RBFOX1: variants seen among roughly 807,000 people sequenced by gnomAD.
RBFOX1 encodes the protein RNA binding fox-1 homolog 1.
In RBFOX1, 8 loss-of-function variants were observed where a neutral mutation model predicts 57.7. The observed-to-expected ratio is 0.14, with a 90% confidence interval of 0.08 to 0.25. The LOEUF (loss-of-function observed/expected upper bound fraction) is 0.25, where lower values mean the gene tolerates loss of function less well. RBFOX1 is among the 10% of genes least tolerant of loss of function. RBFOX1 has a pLI of 1.00. For missense variants in RBFOX1, 611 were observed against 548.5 expected (o/e 1.11, Z -1.14); for synonymous variants, 326 against 222.4 (o/e 1.47, Z -4.15).
intron 4 of RBFOX1, among the ~76,000 whole-genome samples, chr16:7,238,615 A>T (rs2093896222): frequency 6.6e-6 from 1 of 152,202 alleles, no homozygotes; most frequent in Non-Finnish European, 1.5e-5. Flanking sequence ...CAATAAAATG[A>T]ATATGCATTT....
intron 2 of RBFOX1, among the ~76,000 whole-genome samples, chr16:5,579,394 T>A (rs1383113140): frequency 6.6e-6 from 1 of 152,126 alleles, no homozygotes; most frequent in African/African-American, 2.4e-5. Context: ...TCCCCCAGCA[T>A]CCTTGATTCT....
At position 7,713,024 on chromosome 16, in the gene RBFOX1, TA is replaced by T. The variant is rs2084224693; in HGVS notation, c.*2280del. On this transcript the variant is annotated 3_prime_UTR_variant, in exon 16 of 16. Coordinates refer to ENST00000550418, the MANE Select transcript of RBFOX1 (RefSeq NM_018723.4). Reference sequence around the variant, plus strand: ...AACCGATGTTGCAGAATCTTTTGTCTAGGCACTCCAAGATGCCAATAAGTCA... The same window carrying T: ...AACCGATGTTGCAGAATCTTTTGTCTGGCACTCCAAGATGCCAATAAGTCA... 1 of 152,242 alleles carries T rather than the reference TA, an allele frequency of 6.6e-6. No individual in the cohort carries two copies. The highest frequency in any genetic ancestry group is 1.5e-5 in the Non-Finnish European group (1 of 68,036). The allele number at this position is 152,242 out of a possible 1,614,324, so 9.4% of individuals were successfully genotyped here.
At chr16:5,462,823 T>G (rs1439911122) in intron 1 of RBFOX1, among the ~76,000 whole-genome samples, 2 of 152,048 alleles carry the variant, frequency 1.3e-5, no homozygotes, top group East Asian at 3.9e-4. Context: ...AAGAGTGGCA[T>G]TCGGTGGGTA....
chr16:5,699,563 G>A (rs1396923935), intron 3 of RBFOX1, among the ~76,000 whole-genome samples: 4 of 151,876 alleles, frequency 2.6e-5, no homozygotes, highest in Non-Finnish European at 5.9e-5. Flanking sequence ...ATTGCCAAAT[G>A]TCTGCTTGGG....
intron 1 of RBFOX1, among the ~76,000 whole-genome samples, chr16:6,196,725 T>C (rs1321597008): frequency 6.6e-6 from 1 of 152,182 alleles, no homozygotes; most frequent in Non-Finnish European, 1.5e-5. Context: ...ATTCAGGCAA[T>C]TTATCCTTAA....
intron 4 of RBFOX1, among the ~76,000 whole-genome samples, chr16:7,069,403 T>C (rs1197922595): frequency 3.3e-5 from 5 of 152,120 alleles, no homozygotes; most frequent in Non-Finnish European, 7.3e-5. Context: ...CATGTTTCTG[T>C]GTGTTCGTTG....
At chr16:7,480,965 T>A (rs1026764998) in intron 4 of RBFOX1, among the ~76,000 whole-genome samples, 2 of 152,138 alleles carry the variant, frequency 1.3e-5, no homozygotes, top group East Asian at 1.9e-4. Flanking sequence ...TACTGTCTTT[T>A]CCACAGCTTA....
intron 1 of RBFOX1, among the ~76,000 whole-genome samples, chr16:6,202,827 GC>G (rs2097223688): frequency 6.6e-6 from 1 of 151,900 alleles, no homozygotes; most frequent in Admixed American, 6.6e-5. Flanking sequence ...TCATTCTGTT[GC>G]CCAGGCTGGA....
chr16:5,308,833 C>T (rs17787267), intron 1 of RBFOX1, among the ~76,000 whole-genome samples: 27,221 of 151,966 alleles, frequency 0.18, 2,549 homozygotes, highest in Non-Finnish European at 0.2. Flanking sequence ...ATCTCTCTCG[C>T]AGATTCCCAG....
intron 4 of RBFOX1, among the ~76,000 whole-genome samples, chr16:7,434,762 T>C (rs1189652564): frequency 6.6e-6 from 1 of 151,746 alleles, no homozygotes; most frequent in Non-Finnish European, 1.5e-5. Context: ...TTTCCTGAGA[T>C]TGAGCCTCGC....
intron 2 of RBFOX1, among the ~76,000 whole-genome samples, chr16:6,632,955 G>A (rs1484533710): frequency 6.6e-6 from 1 of 152,128 alleles, no homozygotes; most frequent in Non-Finnish European, 1.5e-5. Flanking sequence ...CTGTTGTTTG[G>A]GTTCTGGCAG....
At chr16:5,703,542 A>G (rs1039302333) in intron 3 of RBFOX1, among the ~76,000 whole-genome samples, 3 of 152,184 alleles carry the variant, frequency 2.0e-5, no homozygotes, top group Admixed American at 1.3e-4. Flanking sequence ...TCTTTGAGCC[A>G]TGGAAGCCTA....
At chr16:7,469,923 C>G (rs1291482250) in intron 4 of RBFOX1, among the ~76,000 whole-genome samples, 1 of 152,082 alleles carries the variant, frequency 6.6e-6, no homozygotes, top group Non-Finnish European at 1.5e-5. Flanking sequence ...TAAATGGAAT[C>G]ATACATTATT....
chr16:7,533,854 T>C (rs541071213), intron 5 of RBFOX1, among the ~76,000 whole-genome samples: 1 of 152,324 alleles, frequency 6.6e-6, no homozygotes, highest in African/African-American at 2.4e-5. Flanking sequence ...AAGAATGAGT[T>C]TCTCAGTTGT....
At chr16:6,031,129 C>T (rs1008388704) in intron 1 of RBFOX1, among the ~76,000 whole-genome samples, 8 of 152,160 alleles carry the variant, frequency 5.3e-5, no homozygotes, top group Admixed American at 3.9e-4. Context: ...AGGGAAATGT[C>T]TCCAAGGAGA....
At chr16:5,569,010 T>A (rs1352669288) in intron 2 of RBFOX1, among the ~76,000 whole-genome samples, 1 of 126,566 alleles carries the variant, frequency 7.9e-6, no homozygotes, top group African/African-American at 3.6e-5. Flanking sequence ...CCGGCTAATT[T>A]TTGTATTTTT....
At chr16:7,092,493 G>T (rs768313415) in intron 4 of RBFOX1, among the ~76,000 whole-genome samples, 23 of 152,272 alleles carry the variant, frequency 1.5e-4, no homozygotes, top group Admixed American at 6.5e-5. Context: ...CTTTAATACT[G>T]TATAGACAGT....
In RBFOX1 at chr16:5,889,972, A is replaced by T. The variant is rs920812432; in HGVS notation, c.351+22637A>T. ...CTGTGATGATCACAATGCGTGTGAG[A>T]TGTAGCTCCAGCTTCTCCTCTTCAT... On this transcript the variant is annotated intron_variant, in intron 4 of 19. Coordinates refer to the RBFOX1 transcript ENST00000641259. Among the ~76,000 whole-genome samples the T allele has an allele frequency of 1.4e-4, 22 of 152,336 alleles. No homozygotes were observed. The Middle Eastern group carries it at 0.02, about 141-fold the overall frequency.
intron 4 of RBFOX1, among the ~76,000 whole-genome samples, chr16:7,240,216 C>T (rs2152965924): frequency 6.6e-6 from 1 of 152,282 alleles, no homozygotes; most frequent in Admixed American, 6.5e-5. Flanking sequence ...ATCCTCCCGC[C>T]TCGGCCTCCC....
Sources: allele counts gnomAD v4.1 joint callset (sites outside exome capture counted in the v4.1 genomes callset), GRCh38; gene constraint gnomAD v4.1.1; transcripts MANE v1.5; gene names NCBI Gene and HGNC (gene_info 2026-07-23, HGNC 2026-07-21).